Variants in TENM4 observed in about 807,000 individuals in gnomAD.
The protein encoded by TENM4 is teneurin transmembrane protein 4.
In TENM4, 82 loss-of-function variants were observed where a neutral mutation model predicts 243.3. The observed-to-expected ratio is 0.34, with a 90% CI of 0.28 to 0.40. The LOEUF (loss-of-function observed/expected upper bound fraction) is 0.40. Ranked by LOEUF, TENM4 falls within the 10% of genes least tolerant of loss-of-function variation. The pLI is 1.00. For missense variants in TENM4, 3,138 were observed against 3,673.3 expected (o/e 0.85, Z 3.77); for synonymous variants, 1,412 against 1,456.3 (o/e 0.97, Z 0.69).
At chr11:78,937,300 T>C (rs913412138) in intron 6 of TENM4, among the ~76,000 whole-genome samples, 1 of 152,138 alleles carries the variant, frequency 6.6e-6, no homozygotes, top group African/African-American at 2.4e-5. Context: ...CAAATACCTC[T>C]CCATTTCAGT....
intron 33 of TENM4, 113 bp from the exon 34 acceptor site, chr11:78,658,929 G>A (rs1208390244): frequency 1.4e-5 from 17 of 1,243,818 alleles, no homozygotes; most frequent in East Asian, 7.1e-5. Context: ...ATTAACCTGC[G>A]GCATGTAGCT....
chr11:79,156,756 G>C (rs184609331), intron 3 of TENM4, among the ~76,000 whole-genome samples: 2 of 152,016 alleles, frequency 1.3e-5, no homozygotes, highest in African/African-American at 4.8e-5. Flanking sequence ...AGGTGCTCTG[G>C]GACAAAGAAA....
chr11:79,334,539 T>C (rs952027815), intron 1 of TENM4, among the ~76,000 whole-genome samples: 1 of 152,124 alleles, frequency 6.6e-6, no homozygotes, highest in Non-Finnish European at 1.5e-5. Flanking sequence ...TAAAATCCCA[T>C]TCTCACTTCA....
intron 10 of TENM4, among the ~76,000 whole-genome samples, chr11:78,860,355 A>G (rs1591077657): frequency 6.6e-6 from 1 of 152,216 alleles, no homozygotes; most frequent in African/African-American, 2.4e-5. Flanking sequence ...AGTAAGTGCC[A>G]TAAGTTAACA....
At chr11:79,089,046 C>G (rs1056760908) in intron 4 of TENM4, among the ~76,000 whole-genome samples, 1 of 152,188 alleles carries the variant, frequency 6.6e-6, no homozygotes, top group Non-Finnish European at 1.5e-5. Flanking sequence ...TGTGATGGAG[C>G]CTTCCCAGAC....
At chr11:78,812,076 C>T (rs1345985134) in intron 14 of TENM4, 46 bp downstream of exon 14, 4 of 1,533,674 alleles carry the variant, frequency 2.6e-6, no homozygotes, top group East Asian at 4.9e-5. Flanking sequence ...ATATGCCAGC[C>T]TCTATCTCAG....
At chr11:78,968,448 C>A (rs1857479483) in intron 6 of TENM4, among the ~76,000 whole-genome samples, 1 of 152,166 alleles carries the variant, frequency 6.6e-6, no homozygotes, top group South Asian at 2.1e-4. Flanking sequence ...CCATGCCTAG[C>A]TAATTTTTTG....
chr11:78,676,687 A>G (rs1310501313), intron 29 of TENM4, among the ~76,000 whole-genome samples: 2 of 152,206 alleles, frequency 1.3e-5, no homozygotes, highest in Non-Finnish European at 1.5e-5. Flanking sequence ...TTCACTGATC[A>G]TTGTATTATA....
intron 4 of TENM4, among the ~76,000 whole-genome samples, chr11:79,077,669 C>T (rs1376677324): frequency 6.6e-6 from 1 of 152,172 alleles, no homozygotes; most frequent in Non-Finnish European, 1.5e-5. Context: ...GAACCTGGCA[C>T]AGACAAAGGC....
At chr11:79,142,644 G>C (rs1862308879) in intron 4 of TENM4, among the ~76,000 whole-genome samples, 1 of 151,954 alleles carries the variant, frequency 6.6e-6, no homozygotes, top group South Asian at 2.1e-4. Context: ...CTAAATTTTA[G>C]ATGGAGCCAC....
At chr11:78,772,964 G>T (rs1446133517) in intron 17 of TENM4, among the ~76,000 whole-genome samples, 1 of 152,218 alleles carries the variant, frequency 6.6e-6, no homozygotes, top group African/African-American at 2.4e-5. Context: ...TTAAAAGCGA[G>T]CCCCAGGAGC....
chr11:78,982,901 C>G (rs1038418818), intron 6 of TENM4, among the ~76,000 whole-genome samples: 1 of 152,212 alleles, frequency 6.6e-6, no homozygotes, highest in African/African-American at 2.4e-5. Flanking sequence ...TGAGCATTGT[C>G]CTTGCTGGTC....
chr11:79,184,666 C>T (rs191556603), intron 3 of TENM4, among the ~76,000 whole-genome samples: 2 of 152,210 alleles, frequency 1.3e-5, no homozygotes, highest in Admixed American at 6.5e-5. Flanking sequence ...TACCTAGAGC[C>T]GTCAAATTCC....
At chr11:79,320,734 A>AGATAAT (rs1161128474) in intron 1 of TENM4, among the ~76,000 whole-genome samples, 1 of 152,248 alleles carries the variant, frequency 6.6e-6, no homozygotes, top group African/African-American at 2.4e-5. Context: ...ATAAGAATGA[A>AGATAAT]GATAATGATA....
intron 3 of TENM4, among the ~76,000 whole-genome samples, chr11:79,212,398 G>T (rs1299912123): frequency 6.6e-6 from 1 of 152,148 alleles, no homozygotes; most frequent in Non-Finnish European, 1.5e-5. Flanking sequence ...TTTCTGAGTG[G>T]TCCTGAGAAT....
At chr11:79,096,928 G>GCGCGCGCACACACA (rs1491382120) in intron 4 of TENM4, 11 of 133,998 alleles carry the variant, frequency 8.2e-5, no homozygotes, top group African/African-American at 2.9e-4. Context: ...GCGCGCGCGC[G>GCGCGCGCACACACA]CACACACACA....
chr11:79,236,287 G>T (rs1482701483), intron 2 of TENM4, among the ~76,000 whole-genome samples: 1 of 152,198 alleles, frequency 6.6e-6, no homozygotes, highest in Non-Finnish European at 1.5e-5. Context: ...TCCTTCGGAT[G>T]CCTGTTTGAG....
intron 6 of TENM4, among the ~76,000 whole-genome samples, chr11:78,934,868 A>T (rs990930237): frequency 2.6e-4 from 40 of 151,342 alleles, no homozygotes; most frequent in African/African-American, 9.0e-4. Context: ...AGTTTTTTTT[A>T]TTTTTTATTT....
chr11:79,294,434 G>A lies in TENM4; in HGVS notation c.-265+3054C>T, dbSNP rs141832624. Among the ~76,000 whole-genome samples, 75 of 152,322 alleles carry A rather than the reference G, an allele frequency of 4.9e-4. 3 individuals carry two copies. In the East Asian group the frequency reaches 0.014, roughly 28 times the overall value. On this transcript the variant is annotated intron_variant, in intron 2 of 33. Coordinates refer to ENST00000278550, the MANE Select transcript of TENM4 (RefSeq NM_001098816.3). ...CTCTGGGACACATGGCTTGGCAGGT[G>A]GAATGCAGGCTGGTTTTTAGCCTCC... is the stretch of plus-strand genomic sequence containing the variant.
Sources: gnomAD v4.1 joint callset for allele counts (sites outside exome capture counted in the v4.1 genomes callset) on GRCh38, gnomAD v4.1.1 for gene constraint, MANE v1.5 for transcripts, NCBI Gene and HGNC (gene_info 2026-07-23, HGNC 2026-07-21) for gene names.